RNASEH2B: variants seen among roughly 807,000 people sequenced by gnomAD.
RNASEH2B encodes the protein ribonuclease H2 subunit B.
A neutral mutation model predicts 45.0 loss-of-function variants in RNASEH2B; 36 were observed. The observed-to-expected ratio is 0.80, with a 90% CI of 0.61 to 1.06. RNASEH2B has a LOEUF of 1.06. Ranked by LOEUF, RNASEH2B falls within the 50% of genes least tolerant of loss-of-function variation. The pLI, the probability that RNASEH2B is intolerant of heterozygous loss-of-function variation, is 0.00. For synonymous variants in RNASEH2B, 119 were observed against 125.7 expected, an observed-to-expected ratio of 0.95 and a Z score of 0.35; for missense variants, 361 against 360.3, an observed-to-expected ratio of 1.00 and a Z score of -0.02.
intron 8 of RNASEH2B, 61 bp from the exon 9 acceptor site, chr13:50,949,398 CCTGT>C: frequency 1.4e-6 from 2 of 1,465,994 alleles, no homozygotes; most frequent in Non-Finnish European, 1.9e-6. Flanking sequence ...TTAAGTTGGC[CCTGT>C]CTTTCTGTTT....
intron 9 of RNASEH2B, chr13:50,952,133 G>C (rs139133540): frequency 6.6e-6 from 1 of 152,052 alleles, no homozygotes; most frequent in Non-Finnish European, 1.5e-5. Context: ...AATAGCCACC[G>C]CACTCCAGCC....
At chr13:50,965,784 T>G (rs1179115393) in intron 9 of RNASEH2B, among the ~76,000 whole-genome samples, 2 of 152,260 alleles carry the variant, frequency 1.3e-5, no homozygotes, top group East Asian at 3.8e-4. Context: ...GTGAATTTTC[T>G]TCTGTCAGTT....
In RNASEH2B at chr13:50,929,516, C is replaced by A; in HGVS notation, c.178C>A (p.Leu60Met). Residue 60 changes from leucine to methionine, a missense_variant, in exon 3 of 11, where the codon CTG becomes ATG. By Grantham distance (15) the Leu-to-Met change is conservative. Coordinates refer to ENST00000336617, the MANE Select transcript of RNASEH2B (RefSeq NM_024570.4). ...CTTGTTCAATATGTGTCTACAGCAG[C>A]TGTTTGAAGTAAAAGTTTTCAAGGA... ...IYLFNMCLQQ[L>M]FEVKVFKEKH... 6.2e-7 allele frequency: 1 copy of A among 1,613,814 alleles called. No homozygotes were observed. Among genetic ancestry groups the A allele is most frequent in the Non-Finnish European group, 8.5e-7 (1 of 1,179,816 alleles).
chr13:50,946,138 T>C (rs74080784), intron 7 of RNASEH2B, among the ~76,000 whole-genome samples: 17,559 of 152,220 alleles, frequency 0.12, 1,184 homozygotes, highest in African/African-American at 0.18. Context: ...TTTTAGGTTA[T>C]TCTTTTATAA....
chr13:50,945,258 T>A lies in RNASEH2B; in HGVS notation c.511-169T>A, dbSNP rs1050092852. On this transcript the variant is annotated intron_variant, in intron 6 of 10. Transcript: ENST00000336617. ...AGATATTGCTGCCACTCAGCCTTTC[T>A]TCAAATGGGCAACCATTTCTCATCT... Among the ~76,000 whole-genome samples the A allele has an allele frequency of 2.6e-5, 4 of 152,350 alleles. No homozygotes were observed. The South Asian group carries it at 8.3e-4, about 32-fold the overall frequency.
chr13:50,949,602 C>CT (rs1951951427), intron 9 of RNASEH2B, 97 bp downstream of exon 9: 7 of 1,132,248 alleles, frequency 6.2e-6, no homozygotes, highest in Admixed American at 3.5e-5. Context: ...TTAAGGTGTA[C>CT]TAAATCCATT....
chr13:50,969,971 T>C, exon 10 of RNASEH2B: 1 of 1,551,592 alleles, frequency 6.4e-7, no homozygotes, highest in South Asian at 1.2e-5. Context: ...GTGATGGTGG[T>C]GGCTCCACGC....
intron 1 of RNASEH2B, among the ~76,000 whole-genome samples, chr13:50,916,780 G>T (rs1879769776): frequency 6.6e-6 from 1 of 152,096 alleles, no homozygotes. Flanking sequence ...TTTAATGTGG[G>T]GTCAGTGCAC....
intron 3 of RNASEH2B, among the ~76,000 whole-genome samples, chr13:50,929,876 A>G (rs1249165655): frequency 2.0e-5 from 3 of 152,208 alleles, no homozygotes; most frequent in Admixed American, 6.5e-5. Flanking sequence ...TGGGGCACAT[A>G]TTGTGTTGAT....
intron 9 of RNASEH2B, chr13:50,951,526 A>G (rs1049204151): frequency 3.7e-4 from 56 of 152,284 alleles, no homozygotes; most frequent in African/African-American, 1.1e-3. Flanking sequence ...GTCAGCAAGC[A>G]GAGTTGAATG....
intron 4 of RNASEH2B, 21 bp downstream of exon 4, chr13:50,930,780 A>G: frequency 1.9e-6 from 3 of 1,561,674 alleles, no homozygotes; most frequent in Non-Finnish European, 1.8e-6. Flanking sequence ...AGCTCGGAGC[A>G]TCCACAGTGA....
chr13:50,920,709 G>T lies in RNASEH2B; in HGVS notation c.65-6698G>T, dbSNP rs564392808. Among the ~76,000 whole-genome samples the T allele has an allele frequency of 2.1e-4, 32 of 152,308 alleles. No individual in the cohort carries two copies. The South Asian group carries it at 5.8e-3, about 28-fold the overall frequency. On this transcript the variant is annotated intron_variant, in intron 1 of 10. Transcript: ENST00000336617. The stretch of plus-strand genomic sequence containing the variant: ...GTTGGAAGCATAGTTTTGGAAGAAG[G>T]TGTCTCACATGAGTCAATTTTCTAG...
In RNASEH2B at chr13:50,919,376, A is replaced by G. The variant is rs528485758; in HGVS notation, c.65-8031A>G. ...TACGTGCTGTGTAACCTAACTTCTC[A>G]GCATTATAATGTCACAGATATCTGG... On this transcript the variant is annotated intron_variant, in intron 1 of 10. Coordinates refer to ENST00000336617, the MANE Select transcript of RNASEH2B (RefSeq NM_024570.4). Among the ~76,000 whole-genome samples the G allele has an allele frequency of 9.8e-5, 15 of 152,348 alleles. No individual in the cohort carries two copies. The South Asian group carries it at 3.1e-3, about 32-fold the overall frequency.
At chr13:50,925,765 T>G (rs1397842094) in intron 1 of RNASEH2B, among the ~76,000 whole-genome samples, 1 of 152,198 alleles carries the variant, frequency 6.6e-6, no homozygotes, top group Non-Finnish European at 1.5e-5. Context: ...CCTACTTAAG[T>G]AGGACCCTCT....
At chr13:50,922,605 C>T (rs1048729172) in intron 1 of RNASEH2B, among the ~76,000 whole-genome samples, 5 of 152,086 alleles carry the variant, frequency 3.3e-5, no homozygotes, top group Non-Finnish European at 7.4e-5. Flanking sequence ...CAGAATTAGT[C>T]CAGAAAAGTC....
chr13:50,935,009 A>G lies in RNASEH2B; in HGVS notation c.436+10A>G. On this transcript the variant is annotated intron_variant, in intron 5 of 10. Coordinates refer to ENST00000336617, the MANE Select transcript of RNASEH2B (RefSeq NM_024570.4). ...GTGACAGAGGAAAAAGGTATGGTAT[A>G]ACTTAAAGGCTTATGGCTGGTAGAA... 1 of 1,555,332 alleles carries G rather than the reference A, an allele frequency of 6.4e-7. No homozygotes were observed. The highest frequency in any genetic ancestry group is 1.1e-5 in the South Asian group (1 of 89,764).
upstream of RNASEH2B, chr13:50,909,691 C>A (rs1215984911): frequency 1.1e-5 from 2 of 179,500 alleles, no homozygotes; most frequent in Non-Finnish European, 2.4e-5. Flanking sequence ...CTGGCTAGAC[C>A]ATGGAGGGCC....
intron 5 of RNASEH2B, chr13:50,936,121 G>A (rs1951748672): frequency 6.6e-6 from 1 of 152,394 alleles, no homozygotes; most frequent in Admixed American, 6.5e-5. Flanking sequence ...GGAGGAGCAG[G>A]ATAGGGTAAT....
At chr13:50,952,040 G>C (rs1257274263) in intron 9 of RNASEH2B, 1 of 152,112 alleles carries the variant, frequency 6.6e-6, no homozygotes. Flanking sequence ...CACACTTGTA[G>C]TCTTAGCTAC....
Sources: allele counts gnomAD v4.1 joint callset (sites outside exome capture counted in the v4.1 genomes callset), GRCh38; gene constraint gnomAD v4.1.1; transcripts MANE v1.5; gene names NCBI Gene and HGNC (gene_info 2026-07-23, HGNC 2026-07-21).